Variants in C3orf85 observed in about 807,000 individuals in gnomAD.
The protein encoded by C3orf85 is chromosome 3 open reading frame 85.
A neutral mutation model predicts 1.7 loss-of-function variants in C3orf85; 1 was observed. That is an observed-to-expected ratio of 0.60 (90% confidence interval 0.21 to 2.86). C3orf85 has a LOEUF of 2.86. C3orf85 is among the 30% of genes most tolerant of loss of function. C3orf85 has a pLI of 0.22. For missense variants in C3orf85, 29 were observed against 21.3 expected, an observed-to-expected ratio of 1.36 and a Z score of -0.72; for synonymous variants, 17 against 8.0, an observed-to-expected ratio of 2.13 and a Z score of -1.90.
intron 2 of C3orf85, among the ~76,000 whole-genome samples, chr3:109,146,504 C>T (rs113468404): frequency 4.9e-4 from 74 of 152,186 alleles, no homozygotes; most frequent in African/African-American, 1.5e-3. Flanking sequence ...TTTATTATGA[C>T]GATGCGGTAA....
rs920790245 is a variant in C3orf85 at position 109,148,456 on chromosome 3, CTAAT to C, written c.183+74_183+77del. 4.3e-6 allele frequency: 3 copies of C among 699,172 alleles called. No homozygotes were observed. The African/African-American group carries it at 5.2e-5, about 12-fold the overall frequency. The allele number at this position is 699,172 out of a possible 1,614,324, so 43.3% of individuals were successfully genotyped here. A position where few individuals can be genotyped will look rare whatever the true frequency, so the allele number is the denominator to read the frequency against. On this transcript the variant is annotated intron_variant, in intron 3 of 3. Transcript: ENST00000622536. ...AAATAGTCATTGCATTAGCTGACCACTAATTAACACATGACTAGCCTAGCCCTGA... is the reference window on the plus strand; with the variant it reads ...AAATAGTCATTGCATTAGCTGACCACTAACACATGACTAGCCTAGCCCTGA...
chr3:109,151,346 T>C lies in C3orf85; in HGVS notation c.*1452T>C, dbSNP rs1204244512. On this transcript the variant is annotated 3_prime_UTR_variant, in exon 4 of 4. Coordinates refer to ENST00000622536, the MANE Select transcript of C3orf85 (RefSeq NM_001351622.2). ...ACAGAACCAATAGGATATGTATATATAGAGATGCTCCTCAACATACGATGG... is the reference window on the plus strand; with the variant it reads ...ACAGAACCAATAGGATATGTATATACAGAGATGCTCCTCAACATACGATGG... Among the ~76,000 whole-genome samples, 1 of 152,224 alleles carries C rather than the reference T, an allele frequency of 6.6e-6. No homozygotes were observed. The highest frequency in any genetic ancestry group is 2.4e-5 in the African/African-American group (1 of 41,464).
At chr3:109,137,578 T>C (rs2107831300) in intron 2 of C3orf85, among the ~76,000 whole-genome samples, 1 of 148,778 alleles carries the variant, frequency 6.7e-6, no homozygotes, top group African/African-American at 2.4e-5. Context: ...AATTATATTT[T>C]TCCTGAAGCC....
intron 2 of C3orf85, chr3:109,146,241 G>A (rs767430877): frequency 1.2e-4 from 19 of 152,028 alleles, no homozygotes; most frequent in Non-Finnish European, 2.4e-4. Flanking sequence ...AGGAACTTAC[G>A]GTACAAAATT....
chr3:109,148,442 G>A (rs1706824798), intron 3 of C3orf85, 56 bp downstream of exon 3: 1 of 700,796 alleles, frequency 1.4e-6, no homozygotes, highest in African/African-American at 1.7e-5. Context: ...AATAGTCATT[G>A]CATTAGCTGA....
At chr3:109,143,804 C>A (rs909059301) in intron 2 of C3orf85, among the ~76,000 whole-genome samples, 1 of 152,126 alleles carries the variant, frequency 6.6e-6, no homozygotes, top group South Asian at 2.1e-4. Flanking sequence ...TGGTCACTGG[C>A]GAGGCCAAGA....
intron 2 of C3orf85, 130 bp from the exon 3 acceptor site, chr3:109,148,123 T>C (rs1191689410): frequency 1.6e-6 from 1 of 606,244 alleles, no homozygotes; most frequent in East Asian, 2.7e-5. Context: ...ACTCAGAGCT[T>C]AGCTTTTCCA....
chr3:109,139,814 C>T (rs988946446), intron 2 of C3orf85, among the ~76,000 whole-genome samples: 23 of 152,118 alleles, frequency 1.5e-4, no homozygotes, highest in Non-Finnish European at 2.6e-4. Context: ...TAATAAGCTG[C>T]CTTTGGTCTG....
At chr3:109,147,296 G>A (rs79923928) in intron 2 of C3orf85, among the ~76,000 whole-genome samples, 3,193 of 152,272 alleles carry the variant, frequency 0.021, 59 homozygotes, top group Non-Finnish European at 0.034. Flanking sequence ...TAAACAGAGA[G>A]CCCCATAGAG....
At chr3:109,149,709 C>T in intron 3 of C3orf85, 96 bp from the exon 4 acceptor site, 1 of 395,134 alleles carries the variant, frequency 2.5e-6, no homozygotes, top group East Asian at 3.6e-5. Flanking sequence ...ATATTTTTCT[C>T]ATCTTTTAGG....
Position 109,138,818 on chromosome 3 carries a change from G to A in C3orf85, c.49+1922G>A, listed in dbSNP as rs141082747. Among the ~76,000 whole-genome samples the A allele has an allele frequency of 9.0e-3, 1,373 of 152,258 alleles. 9 individuals are homozygous for A. Among genetic ancestry groups the A allele is most frequent in the Middle Eastern group, 0.027 (8 of 294 alleles). ...AGCTGATTCTCTAGTCAGAGAATTA[G>A]AAGTTCAAGTGTTGTGATTTGATTT... is the stretch of plus-strand genomic sequence containing the variant. On this transcript the variant is annotated intron_variant, in intron 2 of 3. Coordinates refer to ENST00000622536, the MANE Select transcript of C3orf85 (RefSeq NM_001351622.2).
At chr3:109,146,523 A>G (rs575469598) in intron 2 of C3orf85, among the ~76,000 whole-genome samples, 8 of 152,298 alleles carry the variant, frequency 5.3e-5, no homozygotes, top group African/African-American at 1.7e-4. Context: ...AAAGATGTCA[A>G]TGGGGGCTGC....
chr3:109,137,354 G>C (rs1363335522), intron 2 of C3orf85, among the ~76,000 whole-genome samples: 1 of 151,910 alleles, frequency 6.6e-6, no homozygotes, highest in Admixed American at 6.6e-5. Flanking sequence ...GAGGCCAGGC[G>C]ATTTGCTGCC....
At chr3:109,149,126 A>T (rs1706836594) in intron 3 of C3orf85, 1 of 152,168 alleles carries the variant, frequency 6.6e-6, no homozygotes, top group African/African-American at 2.4e-5. Flanking sequence ...TCCCTCTTAC[A>T]ATTTAGCAAT....
At chr3:109,139,973 A>G (rs1197074296) in intron 2 of C3orf85, among the ~76,000 whole-genome samples, 4 of 152,112 alleles carry the variant, frequency 2.6e-5, no homozygotes, top group Non-Finnish European at 4.4e-5. Flanking sequence ...CAGCATCCCC[A>G]ATCCCTTTCT....
rs1706701501 is a variant in C3orf85 at position 109,138,147 on chromosome 3, A to G, written c.49+1251A>G. ...AAGAAACAAGTTTGAATTTACTTCA[A>G]CTCCAACTGAGATACAAATATGTCT... On this transcript the variant is annotated intron_variant, in intron 2 of 3. Coordinates refer to ENST00000622536, the MANE Select transcript of C3orf85 (RefSeq NM_001351622.2). Among the ~76,000 whole-genome samples the G allele has an allele frequency of 2.0e-5, 3 of 152,142 alleles. No individual in the cohort carries two copies. In the South Asian group the frequency reaches 6.2e-4, roughly 31 times the overall value.
At chr3:109,145,251 G>A (rs1277764552) in intron 2 of C3orf85, among the ~76,000 whole-genome samples, 1 of 152,018 alleles carries the variant, frequency 6.6e-6, no homozygotes, top group Non-Finnish European at 1.5e-5. Flanking sequence ...TAAATAAAAT[G>A]TGGTATATAT....
intron 2 of C3orf85, among the ~76,000 whole-genome samples, chr3:109,139,530 C>G (rs755876176): frequency 2.0e-5 from 3 of 152,270 alleles, no homozygotes; most frequent in Non-Finnish European, 4.4e-5. Flanking sequence ...AAGTGTTTTT[C>G]TAAGTGAACC....
chr3:109,140,884 G>A (rs1180771354), intron 2 of C3orf85, among the ~76,000 whole-genome samples: 2 of 152,214 alleles, frequency 1.3e-5, no homozygotes, highest in Non-Finnish European at 2.9e-5. Context: ...TATTCAATAT[G>A]TCAGCAATTG....
Sources: gnomAD v4.1 joint callset for allele counts (sites outside exome capture counted in the v4.1 genomes callset) on GRCh38, gnomAD v4.1.1 for gene constraint, MANE v1.5 for transcripts, NCBI Gene and HGNC (gene_info 2026-07-23, HGNC 2026-07-21) for gene names.